Variants in FAM72B observed in about 807,000 individuals in gnomAD.
The protein encoded by FAM72B is RUMY family member 2.
FAM72B carries 4 observed loss-of-function variants against 12.6 expected under a neutral mutation model. The observed-to-expected ratio is 0.32, with a 90% confidence interval of 0.16 to 0.73. The LOEUF is 0.73. FAM72B is among the 30% of genes least tolerant of loss of function. The pLI is 0.67. For missense variants in FAM72B, 61 were observed against 158.4 expected, an observed-to-expected ratio of 0.39 and a Z score of 3.30; for synonymous variants, 13 against 53.9, an observed-to-expected ratio of 0.24 and a Z score of 3.32.
intron 2 of FAM72B, among the ~76,000 whole-genome samples, chr1:121,180,641 C>T (rs1323614240): frequency 1.3e-5 from 2 of 151,906 alleles, no homozygotes; most frequent in East Asian, 1.9e-4. Context: ...GAGAGGATCA[C>T]TTGAGGCCAG....
At chr1:121,174,492 C>CA (rs1654166735) in intron 3 of FAM72B, among the ~76,000 whole-genome samples, 1 of 144,194 alleles carries the variant, frequency 6.9e-6, no homozygotes, top group South Asian at 2.1e-4. Flanking sequence ...CTTAGCCTCC[C>CA]AAGTAGCTGG....
intron 3 of FAM72B, among the ~76,000 whole-genome samples, chr1:121,172,570 C>T (rs1158181401): frequency 1.0e-4 from 15 of 146,562 alleles, no homozygotes; most frequent in East Asian, 1.9e-4. Context: ...CGAGACCAGC[C>T]TGGGCAACAT....
Position 121,172,720 on chromosome 1 carries a change from G to A in FAM72B, c.356-3885C>T, listed in dbSNP as rs1277905216. 1.7e-3 allele frequency among the ~76,000 whole-genome samples: 189 copies of A among 111,780 alleles called. 11 individuals carry two copies. The highest frequency in any genetic ancestry group is 7.5e-3 in the African/African-American group (177 of 23,652). 73.3% of individuals were successfully genotyped at this position (111,780 alleles called of 152,430 possible). A position where few individuals can be genotyped will look rare whatever the true frequency, so the allele number is the denominator to read the frequency against. On this transcript the variant is annotated intron_variant, in intron 3 of 3. Transcript: ENST00000369390. ...GGAGGTTGCGGTGAGCCGAGATCAC[G>A]CCACTGCTCTCCAGCCTGGGTGACA...
chr1:121,178,701 TAAAC>T (rs781950489), intron 2 of FAM72B, among the ~76,000 whole-genome samples: 1 of 151,998 alleles, frequency 6.6e-6, no homozygotes, highest in African/African-American at 2.4e-5. Flanking sequence ...AATACACTGG[TAAAC>T]AAAACAAAGC....
At chr1:121,176,313 T>A in intron 3 of FAM72B, among the ~76,000 whole-genome samples, 1 of 121,510 alleles carries the variant, frequency 8.2e-6, no homozygotes. Context: ...GGGACGATAG[T>A]ATGCCCCACG....
intron 3 of FAM72B, among the ~76,000 whole-genome samples, chr1:121,173,136 G>T (rs1290967323): frequency 1.3e-5 from 2 of 148,702 alleles, no homozygotes; most frequent in Non-Finnish European, 3.0e-5. Context: ...CAAGGAAAAA[G>T]AAATTTTTTT....
Position 121,173,210 on chromosome 1 carries a change from G to T in FAM72B, c.355+3998C>A, listed in dbSNP as rs1257594727. ...TTTTTTTTTTTTTTTTTTGAGACAG[G>T]GTCTCACTCTGTTGCCCAGGCTGGA... On this transcript the variant is annotated intron_variant, in intron 3 of 3. Coordinates refer to ENST00000369390, the MANE Select transcript of FAM72B (RefSeq NM_001100910.2). Among the ~76,000 whole-genome samples, 5 of 136,444 alleles carry T rather than the reference G, an allele frequency of 3.7e-5. No individual in the cohort carries two copies. The Admixed American group carries it at 3.7e-4, about 10-fold the overall frequency. 89.5% of individuals were successfully genotyped at this position (136,444 alleles called of 152,430 possible). A position where few individuals can be genotyped will look rare whatever the true frequency, so the allele number is the denominator to read the frequency against.
At chr1:121,183,116 C>T in intron 1 of FAM72B, 1 of 125,872 alleles carries the variant, frequency 7.9e-6, no homozygotes, top group South Asian at 4.9e-5. Flanking sequence ...CGCATGACTG[C>T]AATTGAACTA....
intron 2 of FAM72B, among the ~76,000 whole-genome samples, chr1:121,181,064 A>G (rs1570684512): frequency 1.3e-5 from 2 of 149,800 alleles, no homozygotes; most frequent in East Asian, 2.0e-4. Context: ...TACTGTGAAT[A>G]CACTTTGAAA....
At chr1:121,176,275 T>C (rs1654211350) in intron 3 of FAM72B, among the ~76,000 whole-genome samples, 1 of 145,122 alleles carries the variant, frequency 6.9e-6, no homozygotes, top group South Asian at 2.2e-4. Context: ...ATTCAAGTGA[T>C]CCTCCCACCT....
intron 3 of FAM72B, among the ~76,000 whole-genome samples, chr1:121,176,406 A>G (rs9697461): frequency 1.8e-5 from 1 of 56,420 alleles, no homozygotes; most frequent in Non-Finnish European, 3.5e-5. Flanking sequence ...TCCTGGGCTC[A>G]AGTGATCCTC....
chr1:121,179,442 G>T (rs1654283366), intron 2 of FAM72B, among the ~76,000 whole-genome samples: 1 of 149,040 alleles, frequency 6.7e-6, no homozygotes, highest in Non-Finnish European at 1.5e-5. Context: ...CTCACACTTT[G>T]GGAGGCCGAG....
At chr1:121,169,712 A>T (rs1570677698) in intron 3 of FAM72B, among the ~76,000 whole-genome samples, 1 of 152,172 alleles carries the variant, frequency 6.6e-6, no homozygotes, top group South Asian at 2.1e-4. Context: ...CCACAGGCAG[A>T]GCTTTAAACT....
intron 3 of FAM72B, among the ~76,000 whole-genome samples, chr1:121,176,853 C>T (rs1553316915): frequency 1.3e-5 from 2 of 151,728 alleles, no homozygotes; most frequent in Admixed American, 1.3e-4. Flanking sequence ...CCCTTTCTTA[C>T]ACACACACAC....
chr1:121,172,753 T>C (rs1570679433), intron 3 of FAM72B, among the ~76,000 whole-genome samples: 7 of 46,272 alleles, frequency 1.5e-4, no homozygotes, highest in Admixed American at 2.9e-4. Context: ...ACAGAATGAC[T>C]CCATCTCAAA....
Position 121,168,430 on chromosome 1 carries a change from TA to T in FAM72B, c.*310del, listed in dbSNP as rs1654015843. ...ATTAATGGTATCTGGTATCAAGTTG[TA>T]AGAAAAACTCCCCCAGATTGGGAGG... is the stretch of plus-strand genomic sequence containing the variant. On this transcript the variant is annotated 3_prime_UTR_variant, in exon 4 of 4. Transcript: ENST00000369390. The T allele has an allele frequency of 5.1e-6, 1 of 194,934 alleles. No individual in the cohort carries two copies. Among genetic ancestry groups the T allele is most frequent in the African/African-American group, 2.4e-5 (1 of 42,276 alleles). The allele number at this position is 194,934 out of a possible 1,614,324, so 12.1% of individuals were successfully genotyped here.
chr1:121,180,787 A>C (rs1194877785), intron 2 of FAM72B, among the ~76,000 whole-genome samples: 3 of 151,450 alleles, frequency 2.0e-5, no homozygotes, highest in African/African-American at 7.3e-5. Context: ...TGAGCCCAGG[A>C]GTTCAAGGCT....
chr1:121,174,664 G>A (rs1311493675), intron 3 of FAM72B, among the ~76,000 whole-genome samples: 9 of 150,602 alleles, frequency 6.0e-5, no homozygotes, highest in Non-Finnish European at 1.3e-4. Context: ...ACCGCGCCCG[G>A]CCTCTTATTC....
chr1:121,179,658 T>C (rs1553317344), intron 2 of FAM72B, among the ~76,000 whole-genome samples: 1 of 150,646 alleles, frequency 6.6e-6, no homozygotes, highest in East Asian at 2.0e-4. Flanking sequence ...TGAAACCCTG[T>C]CTCTACTAAA....
Sources: allele counts gnomAD v4.1 joint callset (sites outside exome capture counted in the v4.1 genomes callset), GRCh38; gene constraint gnomAD v4.1.1; transcripts MANE v1.5; gene names NCBI Gene and HGNC (gene_info 2026-07-23, HGNC 2026-07-21).